NRG1: variants seen among roughly 807,000 people sequenced by gnomAD.
NRG1 encodes the protein neuregulin 1.
In NRG1, 18 loss-of-function variants were observed where a neutral mutation model predicts 63.8. The ratio of observed to expected loss-of-function variants is 0.28; its 90% CI spans 0.19 to 0.42. The LOEUF is 0.42. NRG1 is among the 10% of genes least tolerant of loss of function. NRG1 has a pLI of 1.00. For missense variants in NRG1, 762 were observed against 814.7 expected (o/e 0.94, Z 0.79); for synonymous variants, 302 against 301.3 (o/e 1.00, Z -0.02).
At chr8:31,977,360 A>G (rs1808361542) in intron 1 of NRG1, among the ~76,000 whole-genome samples, 1 of 152,042 alleles carries the variant, frequency 6.6e-6, no homozygotes, top group Non-Finnish European at 1.5e-5. Flanking sequence ...TTAAAGTCTA[A>G]CTTAGTGACT....
intron 1 of NRG1, among the ~76,000 whole-genome samples, chr8:32,512,399 C>T (rs962487633): frequency 6.6e-6 from 1 of 152,162 alleles, no homozygotes; most frequent in Non-Finnish European, 1.5e-5. Flanking sequence ...AAACTGAAAT[C>T]ATAGCTTTAT....
intron 7 of NRG1, among the ~76,000 whole-genome samples, chr8:32,751,968 T>C (rs984546363): frequency 1.3e-5 from 2 of 152,188 alleles, no homozygotes; most frequent in Admixed American, 1.3e-4. Context: ...ATTTTTGAAG[T>C]CTGCAGAAGC....
At chr8:31,831,236 G>T (rs1022749283) in intron 1 of NRG1, among the ~76,000 whole-genome samples, 2 of 151,876 alleles carry the variant, frequency 1.3e-5, no homozygotes, top group Non-Finnish European at 2.9e-5. Context: ...TGAGCAGCTG[G>T]TATTACAGGC....
chr8:31,971,404 ATTTTAAGT>A (rs1219442913), intron 1 of NRG1, among the ~76,000 whole-genome samples: 5 of 152,170 alleles, frequency 3.3e-5, no homozygotes, highest in Admixed American at 6.5e-5. Context: ...TCTCCCGTGC[ATTTTAAGT>A]TAATATTTTT....
intron 1 of NRG1, among the ~76,000 whole-genome samples, chr8:31,757,646 T>C (rs1817106908): frequency 6.6e-6 from 1 of 152,084 alleles, no homozygotes; most frequent in South Asian, 2.1e-4. Context: ...TATACTTTCC[T>C]CAGTTTATGT....
chr8:32,352,040 G>A (rs6998909), intron 1 of NRG1, among the ~76,000 whole-genome samples: 77,862 of 151,558 alleles, frequency 0.51, 20,993 homozygotes, highest in Non-Finnish European at 0.61. Context: ...TATCTGCCAT[G>A]TCATCCAGCT....
At chr8:32,335,835 G>T (rs974953332) in intron 1 of NRG1, among the ~76,000 whole-genome samples, 2 of 152,098 alleles carry the variant, frequency 1.3e-5, no homozygotes, top group African/African-American at 2.4e-5. Flanking sequence ...AGAGGGTCTT[G>T]GGTCTCACAA....
chr8:32,025,169 A>G (rs1817048226), intron 1 of NRG1, among the ~76,000 whole-genome samples: 1 of 152,078 alleles, frequency 6.6e-6, no homozygotes, highest in South Asian at 2.1e-4. Context: ...CTACATTCCT[A>G]TTTTTCAGAA....
chr8:31,912,109 A>G (rs925393857), intron 1 of NRG1, among the ~76,000 whole-genome samples: 3 of 152,230 alleles, frequency 2.0e-5, no homozygotes, highest in African/African-American at 7.2e-5. Context: ...GGAGGCATTC[A>G]ATTAATGATA....
intron 1 of NRG1, among the ~76,000 whole-genome samples, chr8:32,569,158 T>A (rs1231173248): frequency 6.6e-6 from 1 of 152,312 alleles, no homozygotes; most frequent in Non-Finnish European, 1.5e-5. Flanking sequence ...CAAGCAATTC[T>A]CCTGCCTCAG....
intron 1 of NRG1, among the ~76,000 whole-genome samples, chr8:31,857,474 C>T (rs538863781): frequency 4.6e-5 from 7 of 152,328 alleles, no homozygotes; most frequent in Admixed American, 3.3e-4. Context: ...CTTTGGCTCG[C>T]GCAGGGTATG....
At chr8:31,664,562 G>A (rs987220056) in intron 1 of NRG1, among the ~76,000 whole-genome samples, 1 of 152,194 alleles carries the variant, frequency 6.6e-6, no homozygotes, top group Admixed American at 6.5e-5. Context: ...TCTTATAAGA[G>A]TAGTTTCTCT....
chr8:32,592,792 T>A (rs754116679), intron 1 of NRG1, among the ~76,000 whole-genome samples: 1 of 152,176 alleles, frequency 6.6e-6, no homozygotes, highest in Non-Finnish European at 1.5e-5. Context: ...TGAAGTATAG[T>A]TGACACTCAG....
intron 1 of NRG1, among the ~76,000 whole-genome samples, chr8:32,427,217 T>C (rs967192296): frequency 6.6e-6 from 1 of 152,162 alleles, no homozygotes; most frequent in African/African-American, 2.4e-5. Context: ...GTGATATGAG[T>C]TTGATACTTT....
At chr8:31,676,081 C>T (rs926849443) in intron 1 of NRG1, among the ~76,000 whole-genome samples, 3 of 152,108 alleles carry the variant, frequency 2.0e-5, no homozygotes, top group African/African-American at 7.2e-5. Context: ...TCTCAAGCTT[C>T]CATTTCTGAT....
At position 31,886,086 on chromosome 8, in the gene NRG1, C is replaced by G. The variant is rs190109296; in HGVS notation, c.37+246655C>G. On this transcript the variant is annotated intron_variant, in intron 1 of 10. Coordinates refer to the NRG1 transcript ENST00000519301. ...GAGGGAACAATATTAAATTATTTTC[C>G]TTAGTAAGGTAGGATATTAAAAATT... Among the ~76,000 whole-genome samples the G allele has an allele frequency of 4.3e-4, 65 of 152,062 alleles. 1 individual carries two copies. The East Asian group carries it at 9.7e-3, about 23-fold the overall frequency.
At position 32,620,395 on chromosome 8, in the gene NRG1, C is replaced by T. The variant is rs181853091; in HGVS notation, c.502+3510C>T. On this transcript the variant is annotated intron_variant, in intron 5 of 11. Coordinates refer to ENST00000356819, the Ensembl canonical transcript of NRG1. ...ATTTTATGTATTAAACAGTTCTCTG[C>T]GATTTGGGGGTCAGTGTAAGACAGG... Among the ~76,000 whole-genome samples, 267 of 151,924 alleles carry T rather than the reference C, an allele frequency of 1.8e-3. 1 individual carries two copies. Among genetic ancestry groups the T allele is most frequent in the Middle Eastern group, 6.8e-3 (2 of 294 alleles).
chr8:31,679,219 T>G (rs1808064953), intron 1 of NRG1, among the ~76,000 whole-genome samples: 1 of 152,138 alleles, frequency 6.6e-6, no homozygotes. Context: ...GCTGCTACAT[T>G]TGTTTTTAGA....
intron 3 of NRG1, among the ~76,000 whole-genome samples, chr8:32,608,252 C>T (rs1207501696): frequency 6.6e-6 from 1 of 151,440 alleles, no homozygotes; most frequent in Non-Finnish European, 1.5e-5. Flanking sequence ...GATCTTGGCT[C>T]ACTGCAACCT....
Sources: gnomAD v4.1 joint callset for allele counts (sites outside exome capture counted in the v4.1 genomes callset) on GRCh38, gnomAD v4.1.1 for gene constraint, MANE v1.5 for transcripts, NCBI Gene and HGNC (gene_info 2026-07-23, HGNC 2026-07-21) for gene names.